Variants in L3MBTL4 observed in about 807,000 individuals in gnomAD.
The protein encoded by L3MBTL4 is L3MBTL histone methyl-lysine binding protein 4, also known as lethal(3)malignant brain tumor-like protein 4.
A neutral mutation model predicts 84.5 loss-of-function variants in L3MBTL4; 70 were observed. The ratio of observed to expected loss-of-function variants is 0.83; its 90% confidence interval spans 0.68 to 1.01. The LOEUF (loss-of-function observed/expected upper bound fraction) is 1.01. Among genes scored for constraint, L3MBTL4 ranks in the 50% least tolerant of loss-of-function variants. L3MBTL4 has a pLI of 0.00. For missense variants in L3MBTL4, 715 were observed against 754.8 expected (o/e 0.95, Z 0.62); for synonymous variants, 274 against 259.8 (o/e 1.05, Z -0.52).
chr18:6,154,248 CATA>C (rs1326714874), intron 13 of L3MBTL4, among the ~76,000 whole-genome samples: 7 of 152,120 alleles, frequency 4.6e-5, no homozygotes, highest in African/African-American at 1.4e-4. Flanking sequence ...ATTTGCTTTA[CATA>C]ATAATCAAAA....
In L3MBTL4 at chr18:6,239,791, C is replaced by A. The variant is rs769707553; in HGVS notation, c.634G>T (p.Ala212Ser). 3.7e-5 allele frequency: 59 copies of A among 1,614,018 alleles called. No homozygotes were observed. The highest frequency in any genetic ancestry group is 2.3e-4 in the Admixed American group (14 of 59,990). ...DRKNPSLVCV[A>S]TIADIVEDRL... ...TCTTCAACAATATCTGCTATGGTCG[C>A]CACACACACCAAGGAAGGGTTCTTC... is the stretch of plus-strand genomic sequence containing the variant. The change falls in exon 9 of 19, where the codon GCG (alanine) becomes TCG (serine). Residue 212 changes from alanine to serine, a missense_variant. Coordinates refer to ENST00000317931, the MANE Select transcript of L3MBTL4 (RefSeq NM_001330559.2).
chr18:6,356,845 A>T (rs2053470944), intron 1 of L3MBTL4: 1 of 152,152 alleles, frequency 6.6e-6, no homozygotes, highest in Non-Finnish European at 1.5e-5. Context: ...TTCTTTCTTC[A>T]ATGATAAGTT....
Position 6,414,401 on chromosome 18 carries a change from G to A in L3MBTL4, c.-91+400C>T, listed in dbSNP as rs368700146. On this transcript the variant is annotated intron_variant, in intron 1 of 18. Coordinates refer to ENST00000317931, the MANE Select transcript of L3MBTL4 (RefSeq NM_001330559.2). This position sits in a 1 kb window ranked among gnomAD's most constrained non-coding sequence, Gnocchi z 5.4. ...CTCGATGGCCGGAGGACTGCCTGGG[G>A]GCCCTCAGGAGTCCCGTCCCGTCCC... 3.2e-4 allele frequency among the ~76,000 whole-genome samples: 49 copies of A among 152,214 alleles called. No homozygotes were observed. Among genetic ancestry groups the A allele is most frequent in the African/African-American group, 1.1e-3 (45 of 41,554 alleles).
intron 16 of L3MBTL4, among the ~76,000 whole-genome samples, chr18:6,020,147 T>A (rs1567991300): frequency 6.6e-6 from 1 of 152,082 alleles, no homozygotes; most frequent in Non-Finnish European, 1.5e-5. Context: ...AGTATAGGGA[T>A]TATAGGATTT....
At position 6,291,119 on chromosome 18, in the gene L3MBTL4, C is replaced by A. The variant is rs138070689; in HGVS notation, c.127+10784G>T. Among the ~76,000 whole-genome samples, 5 of 152,272 alleles carry A rather than the reference C, an allele frequency of 3.3e-5. No homozygotes were observed. In the East Asian group the frequency reaches 7.7e-4, roughly 24 times the overall value. ...GACAGCTTTTCTCAAGATACGGGAA[C>A]AAGGCTCCCTACCACATGGAATCTC... On this transcript the variant is annotated intron_variant, in intron 4 of 18. Transcript: ENST00000317931.
At chr18:6,002,886 A>G (rs1392143837) in intron 16 of L3MBTL4, among the ~76,000 whole-genome samples, 1 of 151,718 alleles carries the variant, frequency 6.6e-6, no homozygotes, top group African/African-American at 2.4e-5. Flanking sequence ...TCTCTAATCA[A>G]AAAACAAAGA....
At chr18:6,183,260 C>G (rs1357468582) in intron 12 of L3MBTL4, among the ~76,000 whole-genome samples, 1 of 152,146 alleles carries the variant, frequency 6.6e-6, no homozygotes, top group African/African-American at 2.4e-5. Flanking sequence ...CAAGAAAAAC[C>G]TCCTTCATAA....
At chr18:6,299,656 G>A (rs569854911) in intron 4 of L3MBTL4, among the ~76,000 whole-genome samples, 2 of 151,294 alleles carry the variant, frequency 1.3e-5, no homozygotes, top group South Asian at 4.2e-4. Flanking sequence ...AAGAATTAAG[G>A]TTTATTTTGC....
intron 16 of L3MBTL4, among the ~76,000 whole-genome samples, chr18:6,059,956 T>C (rs1157353559): frequency 6.6e-6 from 1 of 152,244 alleles, no homozygotes; most frequent in East Asian, 1.9e-4. Flanking sequence ...CATTCTATTC[T>C]ATCTTGTAAG....
In L3MBTL4 at chr18:6,316,761, C is replaced by G. The variant is rs147074902; in HGVS notation, c.-90-4705G>C. Among the ~76,000 whole-genome samples the G allele has an allele frequency of 3.3e-3, 503 of 152,268 alleles. 2 individuals carry two copies. Among genetic ancestry groups the G allele is most frequent in the African/African-American group, 0.012 (480 of 41,550 alleles). On this transcript the variant is annotated intron_variant, in intron 1 of 18. Transcript: ENST00000317931. The stretch of plus-strand genomic sequence containing the variant: ...AGGAGTGCATCTGGGAGTTGGATCA[C>G]TTTCCTGCTGGCCTGGCAGAAGAAC...
intron 16 of L3MBTL4, among the ~76,000 whole-genome samples, chr18:6,034,638 T>C (rs1356478186): frequency 1.3e-5 from 2 of 152,326 alleles, no homozygotes; most frequent in Middle Eastern, 3.4e-3. Context: ...AGCAGCATGA[T>C]TTATAGTCCT....
chr18:5,957,613 A>G (rs983598334), intron 18 of L3MBTL4, among the ~76,000 whole-genome samples: 1 of 152,070 alleles, frequency 6.6e-6, no homozygotes, highest in African/African-American at 2.4e-5. Flanking sequence ...CTATGGAAAC[A>G]TTCTTCCACG....
chr18:6,122,365 A>C (rs977892657), intron 14 of L3MBTL4, among the ~76,000 whole-genome samples: 2 of 152,134 alleles, frequency 1.3e-5, no homozygotes, highest in Admixed American at 1.3e-4. Context: ...CTGTGTCCCC[A>C]CCCAAATCTC....
chr18:6,332,359 T>A (rs959304870), intron 1 of L3MBTL4, among the ~76,000 whole-genome samples: 2 of 152,202 alleles, frequency 1.3e-5, no homozygotes, highest in Non-Finnish European at 2.9e-5. Flanking sequence ...AAGAAGAACC[T>A]ATCGGTTTAG....
At chr18:6,249,455 T>C (rs2047829158) in intron 5 of L3MBTL4, among the ~76,000 whole-genome samples, 2 of 152,212 alleles carry the variant, frequency 1.3e-5, no homozygotes, top group African/African-American at 4.8e-5. Flanking sequence ...ATGATCAATG[T>C]TACTCTTGTC....
intron 16 of L3MBTL4, among the ~76,000 whole-genome samples, chr18:6,044,143 A>C (rs750230728): frequency 6.6e-6 from 1 of 152,192 alleles, no homozygotes; most frequent in African/African-American, 2.4e-5. Context: ...AGGGATAGCT[A>C]CTTTTGTTTT....
chr18:5,970,343 T>C (rs1598317934), intron 16 of L3MBTL4, among the ~76,000 whole-genome samples: 1 of 152,162 alleles, frequency 6.6e-6, no homozygotes, highest in Admixed American at 6.5e-5. Flanking sequence ...AACCAAGGAG[T>C]GAGACTTCAA....
At chr18:6,320,402 A>C (rs2147049811) in intron 1 of L3MBTL4, among the ~76,000 whole-genome samples, 1 of 152,254 alleles carries the variant, frequency 6.6e-6, no homozygotes, top group South Asian at 2.1e-4. Context: ...AGTCTCCTAG[A>C]TTTGATAAAT....
At chr18:6,388,675 T>C (rs1025755134) in intron 1 of L3MBTL4, among the ~76,000 whole-genome samples, 2 of 152,054 alleles carry the variant, frequency 1.3e-5, no homozygotes, top group African/African-American at 4.8e-5. Context: ...TATATATGGG[T>C]TTATTTGTGT....
Sources: gnomAD v4.1 joint callset for allele counts (sites outside exome capture counted in the v4.1 genomes callset) on GRCh38, gnomAD v4.1.1 for gene constraint, Gnocchi (gnomAD v3.1) non-coding constraint, MANE v1.5 for transcripts, NCBI Gene and HGNC (gene_info 2026-07-23, HGNC 2026-07-21) for gene names.